CELSR1: variants seen among roughly 807,000 people sequenced by gnomAD.
CELSR1 encodes adhesion G protein-coupled receptor C1.
CELSR1 carries 110 observed loss-of-function variants against 249.1 expected under a neutral mutation model. The observed-to-expected ratio is 0.44, with a 90% CI of 0.38 to 0.52. The LOEUF (loss-of-function observed/expected upper bound fraction) is 0.52. Among genes scored for constraint, CELSR1 ranks in the 20% least tolerant of loss-of-function variants. CELSR1 has a pLI of 0.00. For missense variants in CELSR1, 4,109 were observed against 4,296.4 expected (o/e 0.96, Z 1.22); for synonymous variants, 2,113 against 1,900.0 (o/e 1.11, Z -2.92).
rs540886394 is a variant in CELSR1 at position 46,434,829 on chromosome 22, T to C, written c.4522+1345A>G. ...CTGGCCAACACAGTGAAACCCTGTC[T>C]CTACTAAAAATACAAAAATTAGCCG... is the stretch of plus-strand genomic sequence containing the variant. On this transcript the variant is annotated intron_variant, in intron 4 of 34. Transcript: ENST00000674500. This position sits in a 1 kb window ranked among gnomAD's most constrained non-coding sequence, Gnocchi z 4.9. Among the ~76,000 whole-genome samples the C allele has an allele frequency of 1.3e-5, 2 of 152,086 alleles. No homozygotes were observed. The highest frequency in any genetic ancestry group is 1.3e-4 in the Admixed American group (2 of 15,250).
intron 1 of CELSR1, among the ~76,000 whole-genome samples, chr22:46,528,215 A>T (rs2080757564): frequency 6.6e-6 from 1 of 152,106 alleles, no homozygotes; most frequent in African/African-American, 2.4e-5. Flanking sequence ...CCTTCTTTGC[A>T]ATCGTCTGTT....
At position 46,434,765 on chromosome 22, in the gene CELSR1, G is replaced by A. The variant is rs1011164072; in HGVS notation, c.4523-1284C>T. Among the ~76,000 whole-genome samples the A allele has an allele frequency of 2.6e-5, 4 of 152,184 alleles. No homozygotes were observed. Among genetic ancestry groups the A allele is most frequent in the African/African-American group, 9.6e-5 (4 of 41,452 alleles). On this transcript the variant is annotated intron_variant, in intron 4 of 34. Transcript: ENST00000674500. The surrounding 1 kb of genome is among the most constrained non-coding windows in gnomAD (Gnocchi z 4.9). The stretch of plus-strand genomic sequence containing the variant: ...TAATCCCAGCACTTTGGGAGGCCAA[G>A]GTGGGCGGATCACTTGAGGTCAGGA...
rs951585150 is a variant in CELSR1, at chr22:46,468,173, G to A, written c.3545-3828C>T. Among the ~76,000 whole-genome samples, 38 of 151,880 alleles carry A rather than the reference G, an allele frequency of 2.5e-4. No homozygotes were observed. Among genetic ancestry groups the A allele is most frequent in the Non-Finnish European group, 4.6e-4 (31 of 67,968 alleles). ...GAGGCCGAGGTGGGTGGATCACGAC[G>A]TCAGGAGTTCAAGACCAGCCTGGGC... On this transcript the variant is annotated intron_variant, in intron 1 of 34. Transcript: ENST00000674500. The surrounding 1 kb of genome is among the most constrained non-coding windows in gnomAD (Gnocchi z 4.5).
rs766883607 is a variant in CELSR1, at chr22:46,380,976, C to T, written c.7089-21G>A. ...GCAACCTGAGGTCAAGAAGCCAGAG[C>T]ATGGGGACAAACACGGTGAGGAAAC... On this transcript the variant is annotated intron_variant, in intron 21 of 34. Transcript: ENST00000674500. The surrounding 1 kb of genome is among the most constrained non-coding windows in gnomAD (Gnocchi z 5.1). 5 of 1,607,748 alleles carry T rather than the reference C, an allele frequency of 3.1e-6. No individual in the cohort carries two copies.
chr22:46,459,861 C>T (rs567173387), intron 2 of CELSR1, among the ~76,000 whole-genome samples: 10 of 152,184 alleles, frequency 6.6e-5, no homozygotes, highest in African/African-American at 2.2e-4. Flanking sequence ...TGAGAAAATA[C>T]GTGTAGAATC....
chr22:46,519,231 T>C (rs1029901255), intron 1 of CELSR1, among the ~76,000 whole-genome samples: 1 of 152,324 alleles, frequency 6.6e-6, no homozygotes, highest in Admixed American at 6.5e-5. Flanking sequence ...TGCACACCAC[T>C]GTGATGTTCT....
At position 46,535,535 on chromosome 22, in the gene CELSR1, T is replaced by C; in HGVS notation, c.1636A>G (p.Asn546Asp). 6.2e-7 allele frequency: 1 copy of C among 1,613,168 alleles called. No individual in the cohort carries two copies. The change falls in exon 1 of 35, where the codon AAT becomes GAT. Residue 546 changes from asparagine (N) to aspartate (D), a missense_variant. This residue lies in a region of CELSR1 where 135 missense variants were observed against 190.0 expected (regional missense o/e 0.71). Transcript: ENST00000674500. ...TGCACAGACACCACCCCTGAAGAAT[T>C]GATGAGCGGGGGCCGGCCCCCATCC... Reference protein sequence around the residue: ...AQDGGRPPLINSSGVVSVQVL... With the variant: ...AQDGGRPPLIDSSGVVSVQVL...
intron 1 of CELSR1, among the ~76,000 whole-genome samples, chr22:46,491,031 G>GC (rs1223330033): frequency 6.6e-6 from 1 of 151,962 alleles, no homozygotes; most frequent in African/African-American, 2.4e-5. Flanking sequence ...CAAATGGAGG[G>GC]CCCCCCAACA....
At chr22:46,387,624 G>T (rs998341229) in intron 18 of CELSR1, among the ~76,000 whole-genome samples, 5 of 152,084 alleles carry the variant, frequency 3.3e-5, no homozygotes, top group African/African-American at 1.2e-4. Flanking sequence ...CTCCCAAAGT[G>T]CTGGGATTAC....
At position 46,367,126 on chromosome 22, in the gene CELSR1, G is replaced by A; in HGVS notation, c.8080-8C>T. Reference sequence around the variant, plus strand: ...AAGGAGGACGAAGGGGCCCTGGAGGGAGGAAGGTGGGGTCAGCACCTGCTG... The same window carrying A: ...AAGGAGGACGAAGGGGCCCTGGAGGAAGGAAGGTGGGGTCAGCACCTGCTG... On this transcript the variant is annotated splice_polypyrimidine_tract_variant and splice_region_variant and intron_variant, in intron 28 of 34. Coordinates refer to ENST00000674500, the MANE Select transcript of CELSR1 (RefSeq NM_001378328.1). The A allele has an allele frequency of 1.2e-6, 2 of 1,609,556 alleles. No individual in the cohort carries two copies. The highest frequency in any genetic ancestry group is 8.5e-7 in the Non-Finnish European group (1 of 1,179,096).
At chr22:46,495,729 C>T (rs915056484) in intron 1 of CELSR1, among the ~76,000 whole-genome samples, 16 of 152,150 alleles carry the variant, frequency 1.1e-4, no homozygotes, top group African/African-American at 3.1e-4. Context: ...TCAGGAGAAT[C>T]GCTTGAACCT....
In CELSR1 at chr22:46,464,368, G is replaced by T. The variant is rs372800185; in HGVS notation, c.3545-23C>A. On this transcript the variant is annotated intron_variant, in intron 1 of 34. Transcript: ENST00000674500. This position sits in a 1 kb window ranked among gnomAD's most constrained non-coding sequence, Gnocchi z 8.5. ...CATCTGCAGACACAAGGAAAGTCAG[G>T]GTCATTCAGATGCTGCGGGAGTCAC... 9.5e-5 allele frequency: 152 copies of T among 1,598,324 alleles called. No homozygotes were observed. The African/African-American group carries it at 1.8e-3, about 19-fold the overall frequency.
In CELSR1 at chr22:46,437,914, C is replaced by T. The variant is rs1374870028; in HGVS notation, c.4406+1275G>A. Among the ~76,000 whole-genome samples the T allele has an allele frequency of 6.6e-6, 1 of 152,172 alleles. No homozygotes were observed. Among genetic ancestry groups the T allele is most frequent in the Admixed American group, 6.6e-5 (1 of 15,264 alleles). ...AGAAGGGATCTTAATGACGACGGGA[C>T]CAACTCAGTGCAGGCTTGTTTCCTG... On this transcript the variant is annotated intron_variant, in intron 3 of 34. Transcript: ENST00000674500. This position sits in a 1 kb window ranked among gnomAD's most constrained non-coding sequence, Gnocchi z 4.9.
intron 1 of CELSR1, among the ~76,000 whole-genome samples, chr22:46,508,372 C>G (rs2080537346): frequency 6.6e-6 from 1 of 152,106 alleles, no homozygotes; most frequent in Non-Finnish European, 1.5e-5. Flanking sequence ...CACATGGGCC[C>G]TGCCTCCTGC....
In CELSR1 at chr22:46,386,444, G is replaced by C; in HGVS notation, c.6697C>G (p.Arg2233Gly). ...YFSNVARNVRRTYLRPFVIVT... is the reference protein window; with the variant it reads ...YFSNVARNVRGTYLRPFVIVT... ...ATGACGAAGGGCCGCAGGTACGTCC[G>C]CCGCACGTTGCGTGCCACGTTGCTG... Residue 2233 changes from arginine to glycine, a missense_variant, in exon 19 of 35, where the codon CGG becomes GGG. This residue lies in a region of CELSR1 where 1,805 missense variants were observed against 1,831.6 expected (regional missense o/e 0.99). Coordinates refer to ENST00000674500, the MANE Select transcript of CELSR1 (RefSeq NM_001378328.1). 2 of 1,600,030 alleles carry C rather than the reference G, an allele frequency of 1.2e-6. No individual in the cohort carries two copies. Among genetic ancestry groups the C allele is most frequent in the South Asian group, 1.1e-5 (1 of 89,334 alleles).
chr22:46,459,666 G>A (rs2079997956), intron 2 of CELSR1, among the ~76,000 whole-genome samples: 1 of 152,130 alleles, frequency 6.6e-6, no homozygotes, highest in Admixed American at 6.5e-5. Context: ...AGCATTCCTG[G>A]CCTCAACCCA....
At chr22:46,519,080 TG>T (rs1841420139) in intron 1 of CELSR1, among the ~76,000 whole-genome samples, 1 of 150,676 alleles carries the variant, frequency 6.6e-6, no homozygotes, top group Admixed American at 6.6e-5. Context: ...TGCCACGTGC[TG>T]CGCTGTGCAC....
At chr22:46,511,102 A>G (rs2080568642) in intron 1 of CELSR1, among the ~76,000 whole-genome samples, 1 of 139,562 alleles carries the variant, frequency 7.2e-6, no homozygotes, top group Non-Finnish European at 1.5e-5. Flanking sequence ...TGACAGATCA[A>G]GACTTCGTCT....
rs2078944957 is a variant in CELSR1, at chr22:46,378,643, T to C, written c.7331A>G (p.Gln2444Arg). The change falls in exon 23 of 35, where the codon CAG becomes CGG. Residue 2444 changes from glutamine to arginine, a missense_variant. This residue lies in a region of CELSR1 where 1,805 missense variants were observed against 1,831.6 expected (regional missense o/e 0.99). Transcript: ENST00000674500. ...CGCAAAGCTGGCTGTGTGGCTGCAC[T>C]GGCAGGCGACATGTGTCCGGTTCCT... is the stretch of plus-strand genomic sequence containing the variant. ...LSRNRTHVAC[Q>R]CSHTASFAVL... The C allele has an allele frequency of 1.2e-6, 2 of 1,606,250 alleles. No homozygotes were observed. Among genetic ancestry groups the C allele is most frequent in the Non-Finnish European group, 1.7e-6 (2 of 1,177,708 alleles).
Sources: allele counts gnomAD v4.1 joint callset (sites outside exome capture counted in the v4.1 genomes callset), GRCh38; gene constraint gnomAD v4.1.1; regional missense constraint gnomAD v4.1.1; non-coding constraint Gnocchi (gnomAD v3.1); transcripts MANE v1.5; gene names NCBI Gene and HGNC (gene_info 2026-07-23, HGNC 2026-07-21).